The following PDE3A variants were observed in gnomAD, a reference collection of about 807,000 sequenced individuals.
PDE3A encodes phosphodiesterase 3A.
In PDE3A, 43 loss-of-function variants were observed where a neutral mutation model predicts 98.3. The ratio of observed to expected loss-of-function variants is 0.44; its 90% CI spans 0.34 to 0.56. The LOEUF (loss-of-function observed/expected upper bound fraction) is 0.56, where lower values mean the gene tolerates loss of function less well. Ranked by LOEUF, PDE3A falls within the 20% of genes least tolerant of loss-of-function variation. The probability of loss-of-function intolerance (pLI) is 0.01; values close to 1 mark genes in which losing one functional copy is unlikely to be tolerated. For missense variants in PDE3A, 1,427 were observed against 1,440.7 expected (o/e 0.99, Z 0.15); for synonymous variants, 663 against 567.9 (o/e 1.17, Z -2.38).
chr12:20,456,201 C>T (rs535525161), intron 1 of PDE3A, among the ~76,000 whole-genome samples: 44 of 152,158 alleles, frequency 2.9e-4, no homozygotes, highest in Non-Finnish European at 1.2e-4. Context: ...GCATTTACTA[C>T]GTTTTCCTTT....
rs1944464616 is a variant in PDE3A, at chr12:20,634,937, A to G, written c.1882A>G (p.Asn628Asp). The G allele has an allele frequency of 6.2e-7, 1 of 1,611,134 alleles. No individual in the cohort carries two copies. Among genetic ancestry groups the G allele is most frequent in the African/African-American group, 1.3e-5 (1 of 74,872 alleles). The change falls in exon 8 of 16, where the codon AAT becomes GAT. Residue 628 changes from asparagine to aspartate, a missense_variant. Transcript: ENST00000359062. Reference sequence around the variant, plus strand: ...TCAAGTTACCTCTGATTATGAAACCAATAACAACAGTGACAGCAGTGACAT... The same window carrying G: ...TCAAGTTACCTCTGATTATGAAACCGATAACAACAGTGACAGCAGTGACAT... ...TAQVTSDYET[N>D]NNSDSSDIVQ...
intron 1 of PDE3A, among the ~76,000 whole-genome samples, chr12:20,435,277 A>G (rs1482289893): frequency 1.3e-5 from 2 of 152,144 alleles, no homozygotes; most frequent in South Asian, 2.1e-4. Context: ...TCTGACTAGC[A>G]TTTGTATTCA....
At position 20,619,205 on chromosome 12, in the gene PDE3A, ATTAT is replaced by A. The variant is rs199912797; in HGVS notation, c.1425-2087_1425-2084del. 7.2e-4 allele frequency among the ~76,000 whole-genome samples: 110 copies of A among 152,176 alleles called. 1 individual carries two copies. The East Asian group carries it at 0.013, about 18-fold the overall frequency. ...TTTATTGTATTAATAGTAAAATACA[ATTAT>A]TTAGTGTATTAAGAATGTGATATGA... On this transcript the variant is annotated intron_variant, in intron 4 of 15. Transcript: ENST00000359062.
chr12:20,452,584 G>C (rs1320161869), intron 1 of PDE3A, among the ~76,000 whole-genome samples: 1 of 152,196 alleles, frequency 6.6e-6, no homozygotes. Context: ...CGCAGGACTT[G>C]ACAAAACCTC....
chr12:20,594,202 T>A (rs113990383), intron 2 of PDE3A, among the ~76,000 whole-genome samples: 1 of 88 alleles, frequency 0.011, no homozygotes, highest in Non-Finnish European at 0.5. Context: ...TAGTAGAGGA[T>A]AATGCTAACA....
rs1025037486 is a variant in PDE3A at position 20,552,746 on chromosome 12, C to T, written c.961-3914C>T. 1.7e-5 allele frequency: 28 copies of T among 1,613,948 alleles called. No individual in the cohort carries two copies. Among genetic ancestry groups the T allele is most frequent in the Admixed American group, 6.7e-5 (4 of 60,016 alleles). On this transcript the variant is annotated intron_variant, in intron 1 of 15. Coordinates refer to ENST00000359062, the MANE Select transcript of PDE3A (RefSeq NM_000921.5). This position sits in a 1 kb window ranked among gnomAD's most constrained non-coding sequence, Gnocchi z 5.1. ...CTGGCGTCACTCAAGGACCGGCCGG[C>T]GAGCGGCAGCCCGTTCCAGTTGTTC...
At chr12:20,473,256 T>C (rs1466482044) in intron 1 of PDE3A, among the ~76,000 whole-genome samples, 1 of 152,162 alleles carries the variant, frequency 6.6e-6, no homozygotes, top group Non-Finnish European at 1.5e-5. Context: ...GACATGTATC[T>C]CCCTACCCTC....
chr12:20,400,404 T>G (rs1191162867), intron 1 of PDE3A, among the ~76,000 whole-genome samples: 20 of 128,856 alleles, frequency 1.6e-4, no homozygotes, highest in African/African-American at 4.2e-4. Flanking sequence ...TTTTTTTTTT[T>G]TTTTTTTTTT....
At chr12:20,412,953 C>A (rs918965995) in intron 1 of PDE3A, among the ~76,000 whole-genome samples, 1 of 152,132 alleles carries the variant, frequency 6.6e-6, no homozygotes, top group Non-Finnish European at 1.5e-5. Context: ...TTAGCTCATA[C>A]CACATATGTG....
At chr12:20,586,104 G>A (rs185574816) in intron 2 of PDE3A, among the ~76,000 whole-genome samples, 61 of 152,286 alleles carry the variant, frequency 4.0e-4, no homozygotes, top group African/African-American at 1.4e-3. Context: ...GACTAAACCA[G>A]TGCACAAGGG....
At chr12:20,545,824 C>G (rs941822004) in intron 1 of PDE3A, among the ~76,000 whole-genome samples, 4 of 148,022 alleles carry the variant, frequency 2.7e-5, no homozygotes, top group Admixed American at 1.3e-4. Context: ...CCTGAAAAAA[C>G]AAAAAAGTTT....
rs189021339 is a variant in PDE3A, at chr12:20,627,408, G to T, written c.1541-2500G>T. On this transcript the variant is annotated intron_variant, in intron 5 of 15. Coordinates refer to ENST00000359062, the MANE Select transcript of PDE3A (RefSeq NM_000921.5). ...AGCAACCTCTCTGACCACGTTCCCT[G>T]CCCCTCTTTTTGCTTTTTGCTAAGC... 1.0e-3 allele frequency among the ~76,000 whole-genome samples: 149 copies of T among 142,430 alleles called. 2 individuals are homozygous for T. In the East Asian group the frequency reaches 0.024, roughly 23 times the overall value. The allele number at this position is 142,430 out of a possible 152,430, so 93.4% of individuals were successfully genotyped here. A position where few individuals can be genotyped will look rare whatever the true frequency, so the allele number is the denominator to read the frequency against.
chr12:20,533,538 G>A (rs1021888195), intron 1 of PDE3A, among the ~76,000 whole-genome samples: 4 of 148,334 alleles, frequency 2.7e-5, no homozygotes, highest in Non-Finnish European at 4.4e-5. Context: ...CTGGAGTGCA[G>A]TGGCGCCATT....
At chr12:20,652,853 T>G (rs1231141423) in intron 14 of PDE3A, among the ~76,000 whole-genome samples, 4 of 152,224 alleles carry the variant, frequency 2.6e-5, no homozygotes, top group Non-Finnish European at 5.9e-5. Context: ...AAAGAGCTTC[T>G]GCACAGCAAA....
intron 15 of PDE3A, among the ~76,000 whole-genome samples, chr12:20,676,552 T>A (rs1945646189): frequency 1.4e-5 from 2 of 144,386 alleles, no homozygotes; most frequent in South Asian, 4.4e-4. Context: ...CATGCTGGAG[T>A]GCAGTGGCGT....
At chr12:20,433,313 T>C (rs973893714) in intron 1 of PDE3A, among the ~76,000 whole-genome samples, 4 of 152,094 alleles carry the variant, frequency 2.6e-5, no homozygotes, top group Non-Finnish European at 5.9e-5. Flanking sequence ...TTAGAAAAAC[T>C]GGAGACTATG....
At chr12:20,613,013 G>C (rs949621513) in intron 2 of PDE3A, among the ~76,000 whole-genome samples, 5 of 151,836 alleles carry the variant, frequency 3.3e-5, no homozygotes, top group Non-Finnish European at 7.4e-5. Flanking sequence ...TAAACACCAG[G>C]TTCAAGTGTC....
At chr12:20,438,525 T>C (rs1017197054) in intron 1 of PDE3A, among the ~76,000 whole-genome samples, 5 of 152,228 alleles carry the variant, frequency 3.3e-5, no homozygotes, top group African/African-American at 1.2e-4. Context: ...CAAAATATAG[T>C]AGAGACAAAT....
intron 1 of PDE3A, among the ~76,000 whole-genome samples, chr12:20,523,839 G>C (rs1328552876): frequency 6.6e-6 from 1 of 152,130 alleles, no homozygotes; most frequent in Non-Finnish European, 1.5e-5. Flanking sequence ...TCGTAGAAAA[G>C]TTCTTTGCTT....
Sources: gnomAD v4.1 joint callset for allele counts (sites outside exome capture counted in the v4.1 genomes callset) on GRCh38, gnomAD v4.1.1 for gene constraint, Gnocchi (gnomAD v3.1) non-coding constraint, MANE v1.5 for transcripts, NCBI Gene and HGNC (gene_info 2026-07-23, HGNC 2026-07-21) for gene names.